PRDM11: variants seen among roughly 807,000 people sequenced by gnomAD.
The protein encoded by PRDM11 is PR/SET domain 11, also known as PR domain-containing protein 11.
A neutral mutation model predicts 97.8 loss-of-function variants in PRDM11; 20 were observed. The observed-to-expected ratio is 0.20, with a 90% CI of 0.14 to 0.30. The LOEUF (loss-of-function observed/expected upper bound fraction) is 0.30. Ranked by LOEUF, PRDM11 falls within the 10% of genes least tolerant of loss-of-function variation. PRDM11 has a pLI of 1.00. For synonymous variants in PRDM11, 599 were observed against 637.7 expected (o/e 0.94, Z 0.91); for missense variants, 1,139 against 1,555.2 (o/e 0.73, Z 4.50).
chr11:45,131,178 G>C (rs1852711182), intron 1 of PRDM11, among the ~76,000 whole-genome samples: 1 of 152,200 alleles, frequency 6.6e-6, no homozygotes, highest in Non-Finnish European at 1.5e-5. Flanking sequence ...TTTATGTGAA[G>C]TTCAAGAATT....
At chr11:45,148,844 C>T (rs1851591242) in intron 1 of PRDM11, among the ~76,000 whole-genome samples, 1 of 152,146 alleles carries the variant, frequency 6.6e-6, no homozygotes, top group South Asian at 2.1e-4. Flanking sequence ...GGAGTCCTGC[C>T]TGTGGATTCA....
rs1279335696 is a variant in PRDM11 at position 45,219,211 on chromosome 11, G to A, written c.555-359G>A. 2.0e-5 allele frequency among the ~76,000 whole-genome samples: 3 copies of A among 152,198 alleles called. No individual in the cohort carries two copies. Among genetic ancestry groups the A allele is most frequent in the East Asian group, 1.9e-4 (1 of 5,194 alleles). On this transcript the variant is annotated intron_variant, in intron 5 of 7. Transcript: ENST00000683152. The surrounding 1 kb of genome is among the most constrained non-coding windows in gnomAD (Gnocchi z 4.2). ...TATCTGGGAACCCCAGTGGTTAAAA[G>A]TTAGTGAAGAGTAGAAGAGATAACC...
Position 45,229,753 on chromosome 11 carries a change from A to T in PRDM11, c.*1594A>T, listed in dbSNP as rs1033249453. 6.6e-6 allele frequency: 1 copy of T among 152,188 alleles called. No individual in the cohort carries two copies. The highest frequency in any genetic ancestry group is 1.9e-4 in the East Asian group (1 of 5,202). 9.4% of individuals were successfully genotyped at this position (152,188 alleles called of 1,614,324 possible). A position where few individuals can be genotyped will look rare whatever the true frequency, so the allele number is the denominator to read the frequency against. ...AGATCCTATCACGTGGATGCAGGTC[A>T]TTTTGGGGGAGGGAGGAAGATCTGA... On this transcript the variant is annotated 3_prime_UTR_variant, in exon 8 of 8. Transcript: ENST00000683152.
At chr11:45,125,264 A>G (rs1852539250) in intron 1 of PRDM11, among the ~76,000 whole-genome samples, 1 of 151,712 alleles carries the variant, frequency 6.6e-6, no homozygotes, top group Non-Finnish European at 1.5e-5. Flanking sequence ...CGGTCTATCA[A>G]TTTTGTTGAT....
In PRDM11 at chr11:45,180,437, C is replaced by A. The variant is rs887720736; in HGVS notation, c.-6-1324C>A. On this transcript the variant is annotated intron_variant, in intron 1 of 7. Transcript: ENST00000683152. ...ACCCGCCCGGCCTCCGCGGCGCTGT[C>A]GCCCAGCCCTGGCACCCCCCGGGCC... Among the ~76,000 whole-genome samples the A allele has an allele frequency of 3.3e-5, 5 of 152,114 alleles. No homozygotes were observed. The East Asian group carries it at 9.7e-4, about 30-fold the overall frequency.
intron 1 of PRDM11, among the ~76,000 whole-genome samples, chr11:45,114,829 A>G (rs1314160053): frequency 6.6e-6 from 1 of 152,132 alleles, no homozygotes. Context: ...AGGGAAAAAA[A>G]AACTTAGAAT....
At chr11:45,169,374 G>C (rs1852146392) in intron 1 of PRDM11, among the ~76,000 whole-genome samples, 1 of 152,226 alleles carries the variant, frequency 6.6e-6, no homozygotes, top group South Asian at 2.1e-4. Context: ...GAGCTGTTTT[G>C]AGAATATATG....
intron 1 of PRDM11, among the ~76,000 whole-genome samples, chr11:45,096,192 C>T (rs984228696): frequency 2.0e-5 from 3 of 152,356 alleles, no homozygotes; most frequent in African/African-American, 7.2e-5. Flanking sequence ...TGAGAGCAGG[C>T]ACCTGCCATG....
chr11:45,159,117 C>A (rs1009428840), intron 1 of PRDM11, among the ~76,000 whole-genome samples: 1 of 152,230 alleles, frequency 6.6e-6, no homozygotes, highest in African/African-American at 2.4e-5. Flanking sequence ...TCCTCCCTGG[C>A]ACCTGCCAGT....
intron 4 of PRDM11, among the ~76,000 whole-genome samples, chr11:45,200,888 C>G (rs1590437123): frequency 6.6e-6 from 1 of 152,178 alleles, no homozygotes; most frequent in Admixed American, 6.5e-5. Context: ...CTCTTTCCTC[C>G]CCTCCAGAGT....
intron 1 of PRDM11, among the ~76,000 whole-genome samples, chr11:45,139,568 CAAAAAAAAAAAAA>C (rs10594529): frequency 4.4e-5 from 4 of 91,424 alleles, no homozygotes; most frequent in African/African-American, 9.2e-5. Context: ...CTCCAACTCA[CAAAAAAAAAAAAA>C]AAAAAAAAAA....
At chr11:45,178,354 C>T (rs905675127) in intron 1 of PRDM11, among the ~76,000 whole-genome samples, 10 of 152,152 alleles carry the variant, frequency 6.6e-5, no homozygotes, top group African/African-American at 2.4e-4. Context: ...CATGGCCACA[C>T]TGATTATCCT....
At position 45,227,684 on chromosome 11, in the gene PRDM11, C is replaced by T. The variant is rs1245440201; in HGVS notation, c.3059C>T (p.Pro1020Leu). Residue 1020 changes from proline (P) to leucine (L), a missense_variant, in exon 8 of 8, where the codon CCG becomes CTG. This residue lies in a region of PRDM11 where 710 missense variants were observed against 1,044.9 expected (regional missense o/e 0.68). Coordinates refer to ENST00000683152, the MANE Select transcript of PRDM11 (RefSeq NM_001384648.1). This position sits in a 1 kb window ranked among gnomAD's most constrained non-coding sequence, Gnocchi z 8.0. ...ATATTTGATCACCTGGAGGCCATCC[C>T]GACCTTTTCCCGGGATGTCTGTAGG... ...VQIFDHLEAIPTFSRDVCREG... is the reference protein window; with the variant it reads ...VQIFDHLEAILTFSRDVCREG... The T allele has an allele frequency of 2.0e-6, 3 of 1,533,912 alleles. No individual in the cohort carries two copies. Among genetic ancestry groups the T allele is most frequent in the East Asian group, 2.4e-5 (1 of 40,914 alleles).
chr11:45,099,986 A>C (rs1215618812), intron 1 of PRDM11, among the ~76,000 whole-genome samples: 2 of 152,212 alleles, frequency 1.3e-5, no homozygotes, highest in Admixed American at 6.5e-5. Flanking sequence ...TGGGAGAAGA[A>C]TTGAGAGGCA....
At chr11:45,097,398 C>A (rs904676925) in intron 1 of PRDM11, among the ~76,000 whole-genome samples, 1 of 152,204 alleles carries the variant, frequency 6.6e-6, no homozygotes, top group African/African-American at 2.4e-5. Flanking sequence ...GCATTTGTTA[C>A]ATGCCGGCAG....
At chr11:45,135,820 C>T (rs893989998) in intron 1 of PRDM11, among the ~76,000 whole-genome samples, 4 of 152,094 alleles carry the variant, frequency 2.6e-5, no homozygotes, top group African/African-American at 7.2e-5. Context: ...CCGAGTCTAA[C>T]GATGAGAAAA....
At chr11:45,120,410 C>T (rs1852403810) in intron 1 of PRDM11, among the ~76,000 whole-genome samples, 1 of 152,146 alleles carries the variant, frequency 6.6e-6, no homozygotes, top group Admixed American at 6.5e-5. Context: ...TGTAAAACCA[C>T]ATGCAGGCTC....
At chr11:45,145,978 C>T (rs979752730), upstream of PRDM11, among the ~76,000 whole-genome samples, 6 of 152,190 alleles carry the variant, frequency 3.9e-5, no homozygotes, top group Admixed American at 1.3e-4. Context: ...CTTTTCCAAG[C>T]CAGCCAGGGA....
chr11:45,209,486 T>C (rs892283254), intron 5 of PRDM11, among the ~76,000 whole-genome samples: 1 of 152,232 alleles, frequency 6.6e-6, no homozygotes, highest in Non-Finnish European at 1.5e-5. Flanking sequence ...GAATATTTAC[T>C]GAGCATCTCC....
Sources: gnomAD v4.1 joint callset for allele counts (sites outside exome capture counted in the v4.1 genomes callset) on GRCh38, gnomAD v4.1.1 for gene constraint, gnomAD v4.1.1 regional missense constraint, Gnocchi (gnomAD v3.1) non-coding constraint, MANE v1.5 for transcripts, NCBI Gene and HGNC (gene_info 2026-07-23, HGNC 2026-07-21) for gene names.